MYO16: variants seen among roughly 807,000 people sequenced by gnomAD.
MYO16 encodes the protein unconventional myosin-XVI.
MYO16 carries 94 observed loss-of-function variants against 205.3 expected under a neutral mutation model. The observed-to-expected ratio is 0.46, with a 90% CI of 0.39 to 0.54. MYO16 has a LOEUF of 0.54. Ranked by LOEUF, MYO16 falls within the 20% of genes least tolerant of loss-of-function variation. The pLI, the probability that MYO16 is intolerant of heterozygous loss-of-function variation, is 0.00. For missense variants in MYO16, 2,315 were observed against 2,387.5 expected, an observed-to-expected ratio of 0.97 and a Z score of 0.63; for synonymous variants, 988 against 954.0, an observed-to-expected ratio of 1.04 and a Z score of -0.66.
At chr13:109,012,159 A>C (rs1425761797) in intron 22 of MYO16, among the ~76,000 whole-genome samples, 1 of 152,208 alleles carries the variant, frequency 6.6e-6, no homozygotes, top group Non-Finnish European at 1.5e-5. Flanking sequence ...TAGGGGACAT[A>C]ATAGAAAGAA....
chr13:109,074,257 A>T (rs1888017572), intron 27 of MYO16, among the ~76,000 whole-genome samples: 1 of 152,166 alleles, frequency 6.6e-6, no homozygotes, highest in Non-Finnish European at 1.5e-5. Flanking sequence ...TTATAGTGTC[A>T]CTTTCTTACC....
chr13:108,903,185 G>T (rs1309462051), intron 15 of MYO16, among the ~76,000 whole-genome samples: 2 of 152,162 alleles, frequency 1.3e-5, no homozygotes, highest in Non-Finnish European at 1.5e-5. Context: ...AAAACAAATT[G>T]TATGCTGAGG....
chr13:108,644,512 A>G (rs537576667), intron 1 of MYO16, among the ~76,000 whole-genome samples: 1 of 152,290 alleles, frequency 6.6e-6, no homozygotes, highest in East Asian at 1.9e-4. Flanking sequence ...TCTTTAAATA[A>G]TTAGTAGCAA....
At chr13:108,796,463 C>A (rs1277451453) in intron 6 of MYO16, among the ~76,000 whole-genome samples, 1 of 152,132 alleles carries the variant, frequency 6.6e-6, no homozygotes, top group Non-Finnish European at 1.5e-5. Context: ...AAGACACATG[C>A]ACAGGTATGT....
intron 33 of MYO16, among the ~76,000 whole-genome samples, chr13:109,176,304 T>C (rs1404216105): frequency 1.3e-5 from 2 of 151,898 alleles, no homozygotes; most frequent in African/African-American, 4.8e-5. Context: ...CTTTTATTCT[T>C]TGTCCATTTT....
At chr13:109,029,119 T>C (rs7490853) in intron 23 of MYO16, among the ~76,000 whole-genome samples, 31 of 127,756 alleles carry the variant, frequency 2.4e-4, no homozygotes, top group African/African-American at 7.2e-4. Flanking sequence ...TTTCTTTTTT[T>C]TTTTTTTTTT....
intron 12 of MYO16, among the ~76,000 whole-genome samples, chr13:108,877,400 C>G (rs1879377846): frequency 6.6e-6 from 1 of 152,222 alleles, no homozygotes; most frequent in Non-Finnish European, 1.5e-5. Context: ...CTGTCACTGA[C>G]TTCTGTTGGC....
At chr13:108,859,769 G>A (rs1195875633) in intron 11 of MYO16, among the ~76,000 whole-genome samples, 1 of 152,084 alleles carries the variant, frequency 6.6e-6, no homozygotes, top group Non-Finnish European at 1.5e-5. Flanking sequence ...TTTGCTGGAA[G>A]TATTTATTTT....
chr13:108,804,543 G>A (rs1400924161), intron 6 of MYO16, among the ~76,000 whole-genome samples: 1 of 151,956 alleles, frequency 6.6e-6, no homozygotes, highest in East Asian at 1.9e-4. Flanking sequence ...TTAACTCTAG[G>A]TCTAACATGT....
At chr13:108,590,415 G>T in the MYO16 span, among the ~76,000 whole-genome samples, 1 of 152,286 alleles carries the variant, frequency 6.6e-6, no homozygotes, top group South Asian at 2.1e-4. Context: ...AGAATAGTCA[G>T]TATGAAGAAC....
the MYO16 span, among the ~76,000 whole-genome samples, chr13:108,500,192 TC>T: frequency 0.036 from 5,193 of 145,312 alleles, 378 homozygotes; most frequent in African/African-American, 0.13. Context: ...CCTCTGTTAT[TC>T]CCGTTGATTC....
At chr13:108,593,262 G>A (rs545280553), upstream of MYO16, among the ~76,000 whole-genome samples, 3 of 152,294 alleles carry the variant, frequency 2.0e-5, no homozygotes, top group East Asian at 1.9e-4. Context: ...GGTCTTCGAA[G>A]AGGAGTTTAA....
chr13:109,117,412 GTA>G (rs1875755274), intron 28 of MYO16, among the ~76,000 whole-genome samples: 2 of 144,032 alleles, frequency 1.4e-5, no homozygotes, highest in East Asian at 4.3e-4. Context: ...ATATATATGT[GTA>G]TATATGTATA....
Position 109,206,718 on chromosome 13 carries a change from A to G in MYO16, c.5525A>G (p.His1842Arg). Residue 1842 changes from histidine to arginine, a missense_variant, in exon 35 of 35, where the codon CAC becomes CGC. Physicochemically the swap from His to Arg is conservative, Grantham distance 29. Transcript: ENST00000457511. ...EEGQDWQQIL[H>R]HAEPRVPPPP... The stretch of plus-strand genomic sequence containing the variant: ...GGACAAGACTGGCAGCAGATCCTGC[A>G]CCACGCTGAGCCCAGGGTGCCTCCC... 1.2e-6 allele frequency: 2 copies of G among 1,614,190 alleles called. No homozygotes were observed. The highest frequency in any genetic ancestry group is 8.5e-7 in the Non-Finnish European group (1 of 1,180,022).
intron 20 of MYO16, among the ~76,000 whole-genome samples, chr13:108,990,891 G>A (rs984755877): frequency 7.2e-5 from 11 of 152,088 alleles, no homozygotes; most frequent in Admixed American, 2.0e-4. Context: ...TGTACTGTAC[G>A]TGAAAAACAA....
chr13:108,971,340 G>A (rs1378349805), intron 20 of MYO16, among the ~76,000 whole-genome samples: 1 of 84,318 alleles, frequency 1.2e-5, no homozygotes, highest in Non-Finnish European at 2.3e-5. Flanking sequence ...AATGGTGTGT[G>A]TGTGTTGATT....
At chr13:108,864,212 A>G (rs1198961027) in intron 11 of MYO16, among the ~76,000 whole-genome samples, 1 of 151,672 alleles carries the variant, frequency 6.6e-6, no homozygotes, top group Non-Finnish European at 1.5e-5. Context: ...AATTTTTTAA[A>G]CTCCTTGAAG....
chr13:109,123,457 G>A (rs1048237295), intron 29 of MYO16, among the ~76,000 whole-genome samples: 1 of 151,514 alleles, frequency 6.6e-6, no homozygotes, highest in Non-Finnish European at 1.5e-5. Flanking sequence ...TTTTTTTAGT[G>A]TAACAAGAAA....
intron 15 of MYO16, among the ~76,000 whole-genome samples, chr13:108,908,987 A>AAAAAT: frequency 6.7e-6 from 1 of 148,920 alleles, no homozygotes; most frequent in East Asian, 2.0e-4. Context: ...AAAATAAAAT[A>AAAAAT]AAATAAATAA....
Sources: allele counts gnomAD v4.1 joint callset (sites outside exome capture counted in the v4.1 genomes callset), GRCh38; gene constraint gnomAD v4.1.1; transcripts MANE v1.5; gene names NCBI Gene and HGNC (gene_info 2026-07-23, HGNC 2026-07-21).